The following POLR2J variants were observed in gnomAD, a reference collection of about 807,000 sequenced individuals.
The protein encoded by POLR2J is DNA-directed RNA polymerase II subunit RPB11-a.
In POLR2J, 12 loss-of-function variants were observed where a neutral mutation model predicts 13.4. The observed-to-expected ratio is 0.90, with a 90% CI of 0.57 to 1.45. The LOEUF is 1.45. Among genes scored for constraint, POLR2J ranks in the 40% most tolerant of loss-of-function variants. The pLI is 0.00. For missense variants in POLR2J, 58 were observed against 132.0 expected (o/e 0.44, Z 2.75); for synonymous variants, 31 against 53.6 (o/e 0.58, Z 1.84).
In POLR2J at chr7:102,473,506, G is replaced by GACACGTCGGTGTCAGGGTGAGGGGTGGCT; in HGVS notation, c.*142_*143insAGCCACCCCTCACCCTGACACCGACGTGT. 1 of 1,070,530 alleles carries GACACGTCGGTGTCAGGGTGAGGGGTGGCT rather than the reference G, an allele frequency of 9.3e-7. No individual in the cohort carries two copies. Among genetic ancestry groups the GACACGTCGGTGTCAGGGTGAGGGGTGGCT allele is most frequent in the Non-Finnish European group, 1.3e-6 (1 of 760,584 alleles). 66.3% of individuals were successfully genotyped at this position (1,070,530 alleles called of 1,614,324 possible). ...AATATAAAACCTAATCTATGTACAG[G>GACACGTCGGTGTCAGGGTGAGGGGTGGCT]ACACGTCGGTGTCAGGGTGAGGGGT... On this transcript the variant is annotated 3_prime_UTR_variant, in exon 4 of 4. Transcript: ENST00000292614.
chr7:102,475,411 G>A (rs1372616008), intron 2 of POLR2J, among the ~76,000 whole-genome samples: 1 of 152,180 alleles, frequency 6.6e-6, no homozygotes, highest in Non-Finnish European at 1.5e-5. Context: ...CCCATTAGGG[G>A]CACTGGATAG....
chr7:102,474,412 G>A lies in POLR2J; in HGVS notation c.267C>T (p.Asn89=), dbSNP rs766205098. 3.5e-5 allele frequency: 57 copies of A among 1,610,852 alleles called. No homozygotes were observed. Among genetic ancestry groups the A allele is most frequent in the Non-Finnish European group, 4.5e-5 (53 of 1,179,246 alleles). ...GCTCACTGATGAGGTCGGTGATGGC[G>A]TTGGTAAAGGCTTCCTGGGGGCTGT... ...PDYSPQEAFT[N]AITDLISELS... Residue 89 remains asparagine, a synonymous_variant, in exon 3 of 4, where the codon AAC becomes AAT. Transcript: ENST00000292614.
chr7:102,473,931 C>A lies in POLR2J; in HGVS notation c.319-247G>T, dbSNP rs116445553. Reference sequence around the variant, plus strand: ...GAGCAGACGACTCAGACGTTGAAATCCCCCAAGCTGTGGCTCTTTCCCCTC... The same window carrying A: ...GAGCAGACGACTCAGACGTTGAAATACCCCAAGCTGTGGCTCTTTCCCCTC... On this transcript the variant is annotated intron_variant, in intron 3 of 3. Coordinates refer to ENST00000292614, the MANE Select transcript of POLR2J (RefSeq NM_006234.6). 3,137 of 1,434,762 alleles carry A rather than the reference C, an allele frequency of 2.2e-3. 51 individuals carry two copies. The African/African-American group carries it at 0.039, about 18-fold the overall frequency. 88.9% of individuals were successfully genotyped at this position (1,434,762 alleles called of 1,614,324 possible).
rs1798304551 is a variant in POLR2J, at chr7:102,473,555, G to C, written c.*94C>G. 6.4e-7 allele frequency: 1 copy of C among 1,562,652 alleles called. No homozygotes were observed. On this transcript the variant is annotated 3_prime_UTR_variant, in exon 4 of 4. Transcript: ENST00000292614. ...GTGGCCACAAGGCGGGCCATGGCTG[G>C]GACCGGCCGCTCTCCTCGGTGTGGT...
rs1239001940 is a variant in POLR2J at position 102,473,998 on chromosome 7, G to C, written c.319-314C>G. 2.1e-6 allele frequency: 3 copies of C among 1,437,340 alleles called. No individual in the cohort carries two copies. In the African/African-American group the frequency reaches 4.3e-5, roughly 21 times the overall value. The allele number at this position is 1,437,340 out of a possible 1,614,324, so 89.0% of individuals were successfully genotyped here. A position where few individuals can be genotyped will look rare whatever the true frequency, so the allele number is the denominator to read the frequency against. ...CCCATGCGCCCTGCCAGGAACAGGTGTGGGCCACCCGGGGGTGAGCTGCCT... is the reference window on the plus strand; with the variant it reads ...CCCATGCGCCCTGCCAGGAACAGGTCTGGGCCACCCGGGGGTGAGCTGCCT... On this transcript the variant is annotated intron_variant, in intron 3 of 3. Coordinates refer to ENST00000292614, the MANE Select transcript of POLR2J (RefSeq NM_006234.6).
At chr7:102,473,760 C>A (rs541100454) in intron 3 of POLR2J, 76 bp from the exon 4 acceptor site, 2 of 1,573,318 alleles carry the variant, frequency 1.3e-6, no homozygotes, top group East Asian at 2.3e-5. Flanking sequence ...GCCCAGCATC[C>A]CCCCCGCCAG....
chr7:102,478,770 C>T (rs778842292), intron 1 of POLR2J, 38 bp downstream of exon 1: 1 of 1,609,272 alleles, frequency 6.2e-7, no homozygotes, highest in Non-Finnish European at 8.5e-7. Context: ...CAGCCGCAGG[C>T]CCGCGCACCT....
In POLR2J at chr7:102,473,455, G is replaced by A. The variant is rs569725557; in HGVS notation, c.*194C>T. On this transcript the variant is annotated 3_prime_UTR_variant, in exon 4 of 4. Coordinates refer to ENST00000292614, the MANE Select transcript of POLR2J (RefSeq NM_006234.6). ...TCACCGCTGCTCAAGTCCACATCCA[G>A]GTCTCTCCCGCTATACTTTATTAGG... is the stretch of plus-strand genomic sequence containing the variant. The A allele has an allele frequency of 7.5e-6, 5 of 663,112 alleles. No individual in the cohort carries two copies. Among genetic ancestry groups the A allele is most frequent in the Admixed American group, 8.3e-5 (2 of 24,228 alleles). 41.1% of individuals were successfully genotyped at this position (663,112 alleles called of 1,614,324 possible).
chr7:102,473,817 A>T, intron 3 of POLR2J, 133 bp from the exon 4 acceptor site: 3 of 1,482,442 alleles, frequency 2.0e-6, no homozygotes, highest in Non-Finnish European at 8.9e-7. Flanking sequence ...AGGACAGTGG[A>T]GCAGCCAAAG....
chr7:102,473,764 C>G (rs529620182), intron 3 of POLR2J, 80 bp from the exon 4 acceptor site: 16 of 1,586,624 alleles, frequency 1.0e-5, no homozygotes, highest in African/African-American at 1.3e-5. Flanking sequence ...AGCATCCCCC[C>G]CGCCAGGCCC....
intron 3 of POLR2J, chr7:102,474,109 C>G (rs9691416): frequency 0.61 from 885,461 of 1,453,960 alleles, 278,688 homozygotes; most frequent in Middle Eastern, 0.66. Flanking sequence ...GTCCCCGCCC[C>G]GATCTGGCCC....
chr7:102,478,678 T>C, intron 1 of POLR2J, 130 bp downstream of exon 1: 1 of 1,478,830 alleles, frequency 6.8e-7, no homozygotes, highest in South Asian at 1.3e-5. Context: ...TAAATTTGGC[T>C]GACACAGGCC....
chr7:102,473,410 C>G lies in POLR2J; in HGVS notation c.*239G>C, dbSNP rs907075128. Reference sequence around the variant, plus strand: ...GGTCATCTGCCTGCATCAAGCCTGACAATCCATTTGCTTGCGAAGTCACCG... The same window carrying G: ...GGTCATCTGCCTGCATCAAGCCTGAGAATCCATTTGCTTGCGAAGTCACCG... On this transcript the variant is annotated 3_prime_UTR_variant, in exon 4 of 4. Coordinates refer to ENST00000292614, the MANE Select transcript of POLR2J (RefSeq NM_006234.6). The G allele has an allele frequency of 8.6e-6, 5 of 579,766 alleles. No homozygotes were observed. In the African/African-American group the frequency reaches 9.9e-5, roughly 11 times the overall value. The allele number at this position is 579,766 out of a possible 1,614,324, so 35.9% of individuals were successfully genotyped here.
chr7:102,473,134 T>C lies in POLR2J; in HGVS notation c.*515A>G. On this transcript the variant is annotated 3_prime_UTR_variant, in exon 4 of 4. Transcript: ENST00000292614. ...ATGGGGGTGGGGGGGGGTCTTTCAG[T>C]GAATATTTTTATTAAACTCTACTGT... 5.0e-6 allele frequency: 7 copies of C among 1,413,852 alleles called. No homozygotes were observed. The highest frequency in any genetic ancestry group is 6.7e-6 in the Non-Finnish European group (7 of 1,043,618). 87.6% of individuals were successfully genotyped at this position (1,413,852 alleles called of 1,614,324 possible).
In POLR2J at chr7:102,473,647, C is replaced by A. The variant is rs747484109; in HGVS notation, c.*2G>T. On this transcript the variant is annotated 3_prime_UTR_variant, in exon 4 of 4. Coordinates refer to ENST00000292614, the MANE Select transcript of POLR2J (RefSeq NM_006234.6). ...CAGGCCGAGCAGAGCCCCCTCTGGC[C>A]CCTACTCAATTCCTTCCTGCTTGTC... is the stretch of plus-strand genomic sequence containing the variant. 6.2e-7 allele frequency: 1 copy of A among 1,601,794 alleles called. No homozygotes were observed. The highest frequency in any genetic ancestry group is 8.5e-7 in the Non-Finnish European group (1 of 1,176,452).
chr7:102,474,619 T>C (rs1798365266), intron 2 of POLR2J, 84 bp from the exon 3 acceptor site: 1 of 1,399,922 alleles, frequency 7.1e-7, no homozygotes, highest in African/African-American at 1.5e-5. Flanking sequence ...GAACAGACTT[T>C]CTAGCCAAAA....
chr7:102,473,628 G>A lies in POLR2J; in HGVS notation c.*21C>T, dbSNP rs2229797. 4.2e-3 allele frequency: 6,719 copies of A among 1,595,706 alleles called. 25 individuals are homozygous for A. Among genetic ancestry groups the A allele is most frequent in the Non-Finnish European group, 4.8e-3 (5,596 of 1,174,482 alleles). ...CAGGTAGGAACGGGGCTCACAGGCC[G>A]AGCAGAGCCCCCTCTGGCCCCTACT... On this transcript the variant is annotated 3_prime_UTR_variant, in exon 4 of 4. Coordinates refer to ENST00000292614, the MANE Select transcript of POLR2J (RefSeq NM_006234.6).
intron 2 of POLR2J, among the ~76,000 whole-genome samples, chr7:102,475,723 A>G (rs1586750892): frequency 6.6e-6 from 1 of 152,282 alleles, no homozygotes; most frequent in Non-Finnish European, 1.5e-5. Flanking sequence ...GGAGTTCGAG[A>G]CCAGCCTGGC....
chr7:102,473,274 A>ATGGGTTTG lies in POLR2J; in HGVS notation c.*367_*374dup, dbSNP rs1798285837. On this transcript the variant is annotated 3_prime_UTR_variant, in exon 4 of 4. Coordinates refer to ENST00000292614, the MANE Select transcript of POLR2J (RefSeq NM_006234.6). ...CTAGAGCAGAGACTCTTGGGAGCTC[A>ATGGGTTTG]TGGGTTTGCACACTTCTCTCCGGCT... The ATGGGTTTG allele has an allele frequency of 1.6e-6, 1 of 615,674 alleles. No individual in the cohort carries two copies. The highest frequency in any genetic ancestry group is 2.8e-6 in the Non-Finnish European group (1 of 362,838). The allele number at this position is 615,674 out of a possible 1,614,324, so 38.1% of individuals were successfully genotyped here. A position where few individuals can be genotyped will look rare whatever the true frequency, so the allele number is the denominator to read the frequency against.
Sources: gnomAD v4.1 joint callset for allele counts (sites outside exome capture counted in the v4.1 genomes callset) on GRCh38, gnomAD v4.1.1 for gene constraint, MANE v1.5 for transcripts, NCBI Gene and HGNC (gene_info 2026-07-23, HGNC 2026-07-21) for gene names.